Variants in MALRD1 observed in about 807,000 individuals in gnomAD.
The protein encoded by MALRD1 is MAM and LDL receptor class A domain containing 1.
MALRD1 carries 247 observed loss-of-function variants against 242.1 expected under a neutral mutation model. That is an observed-to-expected ratio of 1.02 (90% CI 0.92 to 1.13). The LOEUF (loss-of-function observed/expected upper bound fraction) is 1.13, where lower values mean the gene tolerates loss of function less well. Among genes scored for constraint, MALRD1 ranks in the 50% most tolerant of loss-of-function variants. The probability of loss-of-function intolerance (pLI) is 0.00; values close to 1 mark genes in which losing one functional copy is unlikely to be tolerated. For synonymous variants in MALRD1, 995 were observed against 866.6 expected (o/e 1.15, Z -2.60); for missense variants, 2,989 against 2,533.1 (o/e 1.18, Z -3.86).
chr10:19,652,836 T>C (rs532373495), intron 36 of MALRD1, among the ~76,000 whole-genome samples: 12 of 152,324 alleles, frequency 7.9e-5, no homozygotes, highest in African/African-American at 2.9e-4. Flanking sequence ...AGCTTGTAAG[T>C]TGTAGAGCAG....
intron 33 of MALRD1, among the ~76,000 whole-genome samples, chr10:19,583,226 T>G (rs1237966785): frequency 6.7e-6 from 1 of 149,660 alleles, no homozygotes; most frequent in Admixed American, 6.7e-5. Flanking sequence ...TCCTTCTCCT[T>G]CCTAATTGCC....
chr10:19,325,461 G>A (rs1163784154), intron 22 of MALRD1, among the ~76,000 whole-genome samples: 11 of 150,614 alleles, frequency 7.3e-5, no homozygotes, highest in African/African-American at 2.7e-4. Flanking sequence ...CCAGAGAAGA[G>A]TTCTGGAATA....
chr10:19,547,597 C>T (rs1248578002), intron 32 of MALRD1, among the ~76,000 whole-genome samples: 1 of 150,310 alleles, frequency 6.7e-6, no homozygotes, highest in Non-Finnish European at 1.5e-5. Context: ...ATGACTTATC[C>T]TTCTATATTA....
intron 32 of MALRD1, among the ~76,000 whole-genome samples, chr10:19,545,101 G>C (rs367946243): frequency 1.3e-5 from 2 of 152,138 alleles, no homozygotes; most frequent in South Asian, 4.1e-4. Context: ...TCCTTGACTG[G>C]TCACTGGTCA....
At chr10:19,417,290 TA>T (rs1833547405) in intron 28 of MALRD1, among the ~76,000 whole-genome samples, 3 of 152,212 alleles carry the variant, frequency 2.0e-5, no homozygotes, top group Non-Finnish European at 4.4e-5. Flanking sequence ...CAATTGGATT[TA>T]CAATAAATTT....
intron 21 of MALRD1, among the ~76,000 whole-genome samples, chr10:19,318,363 C>CTT (rs754746860): frequency 2.7e-5 from 4 of 148,228 alleles, no homozygotes; most frequent in African/African-American, 9.9e-5. Context: ...GACATATCTC[C>CTT]TTTTTTTTTT....
intron 14 of MALRD1, among the ~76,000 whole-genome samples, chr10:19,189,742 A>G (rs1045822051): frequency 6.6e-6 from 1 of 152,080 alleles, no homozygotes; most frequent in East Asian, 1.9e-4. Context: ...GCAGAAAAAA[A>G]CATTTGATAC....
At position 19,216,762 on chromosome 10, in the gene MALRD1, GGT is replaced by G. The variant is rs541875627; in HGVS notation, c.2991+7084_2991+7085del. ...AGATCGAGACCATCCTGGCTAACACGGTGAAACCCCATCTCTACTAAAAAATG... is the reference window on the plus strand; with the variant it reads ...AGATCGAGACCATCCTGGCTAACACGGAAACCCCATCTCTACTAAAAAATG... On this transcript the variant is annotated intron_variant, in intron 18 of 39. Coordinates refer to ENST00000454679, the MANE Select transcript of MALRD1 (RefSeq NM_001142308.3). Among the ~76,000 whole-genome samples, 852 of 151,640 alleles carry G rather than the reference GGT, an allele frequency of 5.6e-3. 15 individuals carry two copies. The highest frequency in any genetic ancestry group is 0.02 in the African/African-American group (819 of 41,332).
chr10:19,450,204 A>G (rs963836899), intron 28 of MALRD1, 103 bp from the exon 29 acceptor site: 6 of 990,794 alleles, frequency 6.1e-6, no homozygotes, highest in Non-Finnish European at 7.2e-6. Flanking sequence ...TTCAGTTTTT[A>G]TTGGTCAAAT....
intron 28 of MALRD1, among the ~76,000 whole-genome samples, chr10:19,413,976 A>AC (rs1248092589): frequency 1.5e-4 from 22 of 151,656 alleles, no homozygotes; most frequent in Admixed American, 9.9e-4. Flanking sequence ...AAAAAAAAAA[A>AC]AACAATGATT....
intron 38 of MALRD1, among the ~76,000 whole-genome samples, chr10:19,693,839 TAGTG>T (rs1276970887): frequency 6.6e-6 from 1 of 152,140 alleles, no homozygotes; most frequent in African/African-American, 2.4e-5. Context: ...TACAAGGCTA[TAGTG>T]ACCAAAACAG....
intron 25 of MALRD1, among the ~76,000 whole-genome samples, chr10:19,350,278 T>A (rs1844317568): frequency 6.8e-6 from 1 of 147,948 alleles, no homozygotes; most frequent in African/African-American, 2.5e-5. Flanking sequence ...TTTCTTTTTT[T>A]TTTTTTTTTT....
intron 8 of MALRD1, among the ~76,000 whole-genome samples, chr10:19,131,231 A>G (rs559898326): frequency 1.3e-5 from 2 of 152,188 alleles, no homozygotes; most frequent in Non-Finnish European, 2.9e-5. Context: ...CTTTCCATGA[A>G]TAGAATGCTG....
rs1259833615 is a variant in MALRD1 at position 19,451,694 on chromosome 10, CTT to C, written c.5029+1206_5029+1207del. On this transcript the variant is annotated intron_variant, in intron 29 of 39. Transcript: ENST00000454679. ...TCACTGAGGCAGTTCAAAAATGTGA[CTT>C]TGGTTTTTTTGTAGTGTTACAGCAT... 2.6e-5 allele frequency among the ~76,000 whole-genome samples: 4 copies of C among 152,242 alleles called. No homozygotes were observed. The East Asian group carries it at 7.7e-4, about 29-fold the overall frequency.
chr10:19,319,274 G>A (rs1842825577), intron 21 of MALRD1, among the ~76,000 whole-genome samples: 1 of 152,012 alleles, frequency 6.6e-6, no homozygotes, highest in Non-Finnish European at 1.5e-5. Context: ...TTCATTCCAA[G>A]TATAATCTAC....
intron 18 of MALRD1, among the ~76,000 whole-genome samples, chr10:19,222,425 G>T (rs1354003516): frequency 6.6e-6 from 1 of 152,160 alleles, no homozygotes; most frequent in Non-Finnish European, 1.5e-5. Context: ...GGAATTTGCA[G>T]AAATGTACTG....
At chr10:19,370,222 A>T (rs1227573851) in intron 26 of MALRD1, among the ~76,000 whole-genome samples, 1 of 152,140 alleles carries the variant, frequency 6.6e-6, no homozygotes, top group Non-Finnish European at 1.5e-5. Context: ...GCCTTATTTT[A>T]CTACCGATTT....
intron 19 of MALRD1, among the ~76,000 whole-genome samples, chr10:19,273,924 C>A (rs1357623516): frequency 3.3e-5 from 5 of 152,060 alleles, no homozygotes; most frequent in Non-Finnish European, 7.4e-5. Flanking sequence ...ATCAAAACCA[C>A]AATGAGACAT....
chr10:19,167,215 C>T (rs1464738189), intron 13 of MALRD1, among the ~76,000 whole-genome samples: 4 of 151,880 alleles, frequency 2.6e-5, no homozygotes, highest in African/African-American at 7.3e-5. Context: ...AAAAATTAGC[C>T]GGGCATGGTG....
Sources: gnomAD v4.1 joint callset for allele counts (sites outside exome capture counted in the v4.1 genomes callset) on GRCh38, gnomAD v4.1.1 for gene constraint, MANE v1.5 for transcripts, NCBI Gene and HGNC (gene_info 2026-07-23, HGNC 2026-07-21) for gene names.